CCDC18: variants seen among roughly 807,000 people sequenced by gnomAD.
CCDC18 encodes coiled-coil domain containing 18, also known as coiled-coil domain-containing protein 18.
In CCDC18, 157 loss-of-function variants were observed where a neutral mutation model predicts 196.0. The observed-to-expected ratio is 0.80, with a 90% confidence interval of 0.70 to 0.91. The LOEUF (loss-of-function observed/expected upper bound fraction) is 0.91, where lower values mean the gene tolerates loss of function less well. CCDC18 is among the 40% of genes least tolerant of loss of function. CCDC18 has a pLI of 0.00. For missense variants in CCDC18, 1,465 were observed against 1,611.6 expected, an observed-to-expected ratio of 0.91 and a Z score of 1.56; for synonymous variants, 482 against 529.2, an observed-to-expected ratio of 0.91 and a Z score of 1.22.
At chr1:93,205,698 C>T in intron 8 of CCDC18, 67 bp downstream of exon 8, 2 of 1,371,266 alleles carry the variant, frequency 1.5e-6, no homozygotes, top group Non-Finnish European at 2.0e-6. Context: ...CACTTTAAAA[C>T]ACAATATTTT....
At chr1:93,254,923 A>G (rs1252891479) in intron 24 of CCDC18, among the ~76,000 whole-genome samples, 1 of 144,084 alleles carries the variant, frequency 6.9e-6, no homozygotes, top group African/African-American at 2.5e-5. Flanking sequence ...CTGCTATGTA[A>G]TAGAATTGAG....
At chr1:93,220,339 A>C (rs1288390902) in intron 14 of CCDC18, among the ~76,000 whole-genome samples, 1 of 152,218 alleles carries the variant, frequency 6.6e-6, no homozygotes, top group Admixed American at 6.5e-5. Context: ...GAAGGACCGC[A>C]TAGAGAATTT....
At chr1:93,244,519 T>C (rs1015210420) in intron 21 of CCDC18, among the ~76,000 whole-genome samples, 2 of 152,130 alleles carry the variant, frequency 1.3e-5, no homozygotes, top group Admixed American at 6.5e-5. Flanking sequence ...GGCAAATTCA[T>C]AGAGAAAGAA....
chr1:93,211,312 A>T (rs1447369129), intron 10 of CCDC18, among the ~76,000 whole-genome samples: 1 of 152,010 alleles, frequency 6.6e-6, no homozygotes, highest in Non-Finnish European at 1.5e-5. Context: ...TGAGGAATTT[A>T]AAAAATATAC....
intron 19 of CCDC18, among the ~76,000 whole-genome samples, chr1:93,236,704 A>G (rs1313693055): frequency 6.6e-6 from 1 of 152,218 alleles, no homozygotes; most frequent in African/African-American, 2.4e-5. Flanking sequence ...TTAATTGTGA[A>G]TAACATTAAA....
At chr1:93,218,656 C>A (rs556823761) in intron 14 of CCDC18, among the ~76,000 whole-genome samples, 1 of 152,096 alleles carries the variant, frequency 6.6e-6, no homozygotes, top group Admixed American at 6.5e-5. Context: ...ATTACAGGTG[C>A]GCGCCACCAA....
intron 9 of CCDC18, among the ~76,000 whole-genome samples, chr1:93,208,154 T>G (rs893974891): frequency 6.6e-6 from 1 of 152,190 alleles, no homozygotes; most frequent in African/African-American, 2.4e-5. Flanking sequence ...TTGGGTCATA[T>G]GGTGAATTTA....
chr1:93,240,240 T>C (rs1277284127), intron 21 of CCDC18, among the ~76,000 whole-genome samples: 1 of 152,262 alleles, frequency 6.6e-6, no homozygotes, highest in African/African-American at 2.4e-5. Flanking sequence ...GGACTTCACA[T>C]ATGATCTCAC....
intron 16 of CCDC18, 117 bp downstream of exon 16, chr1:93,222,053 T>A: frequency 1.6e-6 from 1 of 639,736 alleles, no homozygotes. Flanking sequence ...CACTGCAACC[T>A]TGAACTCCTG....
intron 7 of CCDC18, among the ~76,000 whole-genome samples, chr1:93,202,417 G>C (rs1342728800): frequency 2.0e-5 from 3 of 152,300 alleles, no homozygotes; most frequent in Non-Finnish European, 4.4e-5. Context: ...ATTTGATATA[G>C]AAATAATAGT....
chr1:93,264,933 T>G (rs543893961), intron 27 of CCDC18, 32 bp downstream of exon 27: 1 of 1,444,632 alleles, frequency 6.9e-7, no homozygotes, highest in South Asian at 1.2e-5. Flanking sequence ...ATAAAGCATA[T>G]CTATGAAAAC....
chr1:93,183,297 G>C, intron 1 of CCDC18, 63 bp from the exon 2 acceptor site: 1 of 1,170,156 alleles, frequency 8.5e-7, no homozygotes, highest in African/African-American at 1.6e-5. Context: ...ATTCATGTGA[G>C]TATTTTGACT....
chr1:93,221,663 A>G lies in CCDC18; in HGVS notation c.2017A>G (p.Met673Val). Reference protein sequence around the residue: ...DQQFKEQEKTMSMLQQDIICK... With the variant: ...DQQFKEQEKTVSMLQQDIICK... ...ACAATTTAAAGAACAAGAAAAGACT[A>G]TGTCCATGTTGCAACAAGATATAAT... The change falls in exon 15 of 29, where the codon ATG becomes GTG. Residue 673 changes from methionine (M) to valine (V), a missense_variant. Physicochemically the swap from Met to Val is conservative, Grantham distance 21. Coordinates refer to ENST00000690025, the MANE Select transcript of CCDC18 (RefSeq NM_001378204.1). The G allele has an allele frequency of 6.3e-7, 1 of 1,590,080 alleles. No homozygotes were observed. The highest frequency in any genetic ancestry group is 8.5e-7 in the Non-Finnish European group (1 of 1,172,750).
chr1:93,262,237 C>T (rs565020440), intron 26 of CCDC18: 1 of 152,302 alleles, frequency 6.6e-6, no homozygotes, highest in Admixed American at 6.5e-5. Flanking sequence ...GATCTCTTGT[C>T]CTTCTCACAT....
At chr1:93,270,876 T>C in intron 28 of CCDC18, 62 bp downstream of exon 28, 8 of 1,377,876 alleles carry the variant, frequency 5.8e-6, no homozygotes, top group Non-Finnish European at 6.7e-6. Context: ...ATTTTATTAC[T>C]TGGAAGAAAA....
chr1:93,203,911 T>A (rs949307893), intron 7 of CCDC18, among the ~76,000 whole-genome samples: 5 of 152,164 alleles, frequency 3.3e-5, no homozygotes, highest in African/African-American at 1.2e-4. Flanking sequence ...AGTCATTGGA[T>A]ACTTTGTAGA....
At chr1:93,275,167 G>A (rs898705122) in intron 28 of CCDC18, among the ~76,000 whole-genome samples, 1 of 152,184 alleles carries the variant, frequency 6.6e-6, no homozygotes. Flanking sequence ...CTGGAGTGTA[G>A]TGGCACGAGA....
At chr1:93,206,684 G>A (rs1453599588) in intron 8 of CCDC18, among the ~76,000 whole-genome samples, 1 of 152,108 alleles carries the variant, frequency 6.6e-6, no homozygotes, top group East Asian at 1.9e-4. Context: ...TAAGCTGGTT[G>A]TACAATTATG....
At chr1:93,226,697 C>A (rs1658397777) in intron 17 of CCDC18, among the ~76,000 whole-genome samples, 4 of 151,838 alleles carry the variant, frequency 2.6e-5, no homozygotes, top group Admixed American at 2.6e-4. Context: ...CCATGCCTGG[C>A]TAATTTTTGT....
Sources: allele counts gnomAD v4.1 joint callset (sites outside exome capture counted in the v4.1 genomes callset), GRCh38; gene constraint gnomAD v4.1.1; transcripts MANE v1.5; gene names NCBI Gene and HGNC (gene_info 2026-07-23, HGNC 2026-07-21).